Variants in PTAR1 observed in about 807,000 individuals in gnomAD.
The protein encoded by PTAR1 is protein prenyltransferase alpha subunit repeat-containing protein 1.
PTAR1 carries 17 observed loss-of-function variants against 45.5 expected under a neutral mutation model. The ratio of observed to expected loss-of-function variants is 0.37; its 90% CI spans 0.26 to 0.56. PTAR1 has a LOEUF of 0.56. PTAR1 is among the 20% of genes least tolerant of loss of function. PTAR1 has a pLI of 0.77. For missense variants in PTAR1, 391 were observed against 476.3 expected (o/e 0.82, Z 1.67); for synonymous variants, 169 against 171.3 (o/e 0.99, Z 0.11).
chr9:69,724,452 G>A (rs1359281500), intron 5 of PTAR1, among the ~76,000 whole-genome samples: 3 of 152,170 alleles, frequency 2.0e-5, no homozygotes, highest in Non-Finnish European at 4.4e-5. Flanking sequence ...TGCCTACCAC[G>A]TTCCGTCAGA....
chr9:69,723,102 G>A (rs938874800), intron 6 of PTAR1, among the ~76,000 whole-genome samples: 49 of 150,666 alleles, frequency 3.3e-4, no homozygotes, highest in South Asian at 1.1e-3. Context: ...ACCATCCTAA[G>A]CTGCAGGCAG....
intron 5 of PTAR1, among the ~76,000 whole-genome samples, chr9:69,727,467 T>C (rs1481098255): frequency 6.6e-6 from 1 of 151,494 alleles, no homozygotes; most frequent in African/African-American, 2.4e-5. Context: ...CTTTTCTTCA[T>C]ATAGGTTTTT....
At chr9:69,754,078 T>C (rs748976650) in intron 1 of PTAR1, among the ~76,000 whole-genome samples, 4 of 152,156 alleles carry the variant, frequency 2.6e-5, no homozygotes, top group Admixed American at 6.5e-5. Flanking sequence ...ACATACTTTG[T>C]AAACATAGGT....
At chr9:69,759,783 G>T (rs1232138515) in intron 1 of PTAR1, 70 bp downstream of exon 1, 10 of 1,405,306 alleles carry the variant, frequency 7.1e-6, no homozygotes, top group Non-Finnish European at 9.4e-6. Flanking sequence ...GCCCGAGGTC[G>T]GGTGGACGCT....
At position 69,717,073 on chromosome 9, in the gene PTAR1, A is replaced by T. The variant is rs1043329104; in HGVS notation, c.*1269T>A. 6 of 152,182 alleles carry T rather than the reference A, an allele frequency of 3.9e-5. No homozygotes were observed. The highest frequency in any genetic ancestry group is 7.2e-5 in the African/African-American group (3 of 41,452). The allele number at this position is 152,182 out of a possible 1,614,324, so 9.4% of individuals were successfully genotyped here. ...CTCAGCCCTTGTTATTGGAAACATA[A>T]GATACGGCTATAATGTGGATACTTT... is the stretch of plus-strand genomic sequence containing the variant. On this transcript the variant is annotated 3_prime_UTR_variant, in exon 8 of 8. Transcript: ENST00000340434.
chr9:69,726,245 T>C (rs1032304369), intron 5 of PTAR1, among the ~76,000 whole-genome samples: 3 of 152,180 alleles, frequency 2.0e-5, no homozygotes, highest in Non-Finnish European at 4.4e-5. Flanking sequence ...TTTTTCTATG[T>C]ATGCACATGC....
chr9:69,719,549 C>T (rs1824888630), intron 6 of PTAR1, among the ~76,000 whole-genome samples: 1 of 152,142 alleles, frequency 6.6e-6, no homozygotes, highest in Admixed American at 6.6e-5. Flanking sequence ...TAATGTTCCA[C>T]TTTTACAGGG....
chr9:69,743,789 T>A (rs1004626821), intron 2 of PTAR1, among the ~76,000 whole-genome samples: 1 of 152,214 alleles, frequency 6.6e-6, no homozygotes, highest in African/African-American at 2.4e-5. Flanking sequence ...TGATTGAATG[T>A]AATGATAAAC....
At chr9:69,744,930 C>A (rs1171619106) in intron 2 of PTAR1, among the ~76,000 whole-genome samples, 2 of 152,142 alleles carry the variant, frequency 1.3e-5, no homozygotes, top group Non-Finnish European at 2.9e-5. Context: ...GAGGATAGGC[C>A]TTCCTTAAAG....
At chr9:69,740,999 T>C (rs1311055084) in intron 3 of PTAR1, among the ~76,000 whole-genome samples, 2 of 152,196 alleles carry the variant, frequency 1.3e-5, no homozygotes, top group Non-Finnish European at 2.9e-5. Flanking sequence ...CACATCTCAG[T>C]TGAGACTAAT....
intron 2 of PTAR1, among the ~76,000 whole-genome samples, chr9:69,743,627 T>G (rs541723670): frequency 6.6e-6 from 1 of 152,314 alleles, no homozygotes; most frequent in Non-Finnish European, 1.5e-5. Flanking sequence ...ATAATTAACC[T>G]CTTCATTTTT....
chr9:69,737,866 T>C (rs555551918), intron 3 of PTAR1, among the ~76,000 whole-genome samples: 1 of 152,330 alleles, frequency 6.6e-6, no homozygotes, highest in Admixed American at 6.5e-5. Flanking sequence ...CGTAAACAAG[T>C]TGTAAGGATA....
rs1374879640 is a variant in PTAR1, at chr9:69,713,238, C to A, written c.*5104G>T. The A allele has an allele frequency of 6.6e-6, 1 of 152,070 alleles. No individual in the cohort carries two copies. The highest frequency in any genetic ancestry group is 6.6e-5 in the Admixed American group (1 of 15,240). The allele number at this position is 152,070 out of a possible 1,614,324, so 9.4% of individuals were successfully genotyped here. ...GTTTGGTTTTACAGTGTTAACATGG[C>A]CTGGTGAGAGTAGAGAAGTCAAAGT... On this transcript the variant is annotated 3_prime_UTR_variant, in exon 8 of 8. Coordinates refer to ENST00000340434, the MANE Select transcript of PTAR1 (RefSeq NM_001099666.2).
chr9:69,758,779 A>G, intron 1 of PTAR1: 1 of 247,746 alleles, frequency 4.0e-6, no homozygotes, highest in Non-Finnish European at 8.5e-6. Context: ...ACCGGTTAGA[A>G]TACTTAAAAA....
intron 4 of PTAR1, among the ~76,000 whole-genome samples, 197 bp downstream of exon 4, chr9:69,733,951 CTG>C (rs1157719509): frequency 2.6e-5 from 4 of 151,982 alleles, no homozygotes; most frequent in Non-Finnish European, 5.9e-5. Context: ...AATGAGAAAA[CTG>C]AGGCTTGGTG....
At chr9:69,747,506 T>C (rs1193552761) in intron 2 of PTAR1, among the ~76,000 whole-genome samples, 5 of 152,182 alleles carry the variant, frequency 3.3e-5, no homozygotes, top group African/African-American at 1.2e-4. Context: ...ATCAAATAGC[T>C]GCTAACATAA....
intron 5 of PTAR1, among the ~76,000 whole-genome samples, chr9:69,724,653 C>G (rs1450279296): frequency 6.6e-6 from 1 of 151,494 alleles, no homozygotes; most frequent in African/African-American, 2.4e-5. Flanking sequence ...TTGCTGAACC[C>G]CCATAGTACT....
intron 3 of PTAR1, among the ~76,000 whole-genome samples, chr9:69,739,856 A>C (rs1825963918): frequency 6.6e-6 from 1 of 152,178 alleles, no homozygotes; most frequent in Middle Eastern, 3.2e-3. Context: ...ATCTAGCACA[A>C]AACCTTACTA....
Position 69,712,734 on chromosome 9 carries a change from C to T in PTAR1, c.*5608G>A, listed in dbSNP as rs1824573040. On this transcript the variant is annotated 3_prime_UTR_variant, in exon 8 of 8. Coordinates refer to ENST00000340434, the MANE Select transcript of PTAR1 (RefSeq NM_001099666.2). ...AACCAACGGTAATCATTTTCCTCAACAGTATTTCTAAAAGTTGAGAATGAT... is the reference window on the plus strand; with the variant it reads ...AACCAACGGTAATCATTTTCCTCAATAGTATTTCTAAAAGTTGAGAATGAT... 6.6e-6 allele frequency: 1 copy of T among 152,102 alleles called. No individual in the cohort carries two copies. The highest frequency in any genetic ancestry group is 1.5e-5 in the Non-Finnish European group (1 of 68,002). The allele number at this position is 152,102 out of a possible 1,614,324, so 9.4% of individuals were successfully genotyped here.
Sources: gnomAD v4.1 joint callset for allele counts (sites outside exome capture counted in the v4.1 genomes callset) on GRCh38, gnomAD v4.1.1 for gene constraint, MANE v1.5 for transcripts, NCBI Gene and HGNC (gene_info 2026-07-23, HGNC 2026-07-21) for gene names.